The following GPR39 variants were observed in gnomAD, a reference collection of about 807,000 sequenced individuals.
The protein encoded by GPR39 is zinc sensing receptor.
Under a neutral mutation model 18.4 loss-of-function variants are expected in GPR39, and 23 were observed. The observed-to-expected ratio is 1.25, with a 90% CI of 0.90 to 1.77. The LOEUF (loss-of-function observed/expected upper bound fraction) is 1.77. GPR39 is among the 40% of genes most tolerant of loss of function. GPR39 has a pLI of 0.00. For synonymous variants in GPR39, 280 were observed against 257.9 expected (o/e 1.09, Z -0.82); for missense variants, 647 against 602.4 (o/e 1.07, Z -0.78).
chr2:132,501,049 T>C (rs1336762662), intron 1 of GPR39, among the ~76,000 whole-genome samples: 1 of 103,406 alleles, frequency 9.7e-6, no homozygotes, highest in Non-Finnish European at 2.0e-5. Flanking sequence ...TCATTTATCT[T>C]TTGTGTTTTT....
At chr2:132,479,241 G>A (rs1681187427) in intron 1 of GPR39, among the ~76,000 whole-genome samples, 1 of 152,164 alleles carries the variant, frequency 6.6e-6, no homozygotes, top group Non-Finnish European at 1.5e-5. Flanking sequence ...GGAACTTTTT[G>A]TTCCGTAGTG....
chr2:132,467,143 CTT>C (rs1054157400), intron 1 of GPR39, among the ~76,000 whole-genome samples: 3 of 152,068 alleles, frequency 2.0e-5, no homozygotes, highest in Non-Finnish European at 2.9e-5. Flanking sequence ...ATTACAATGT[CTT>C]AGTCTTATGG....
intron 1 of GPR39, among the ~76,000 whole-genome samples, chr2:132,644,097 T>C (rs1252609309): frequency 1.3e-5 from 2 of 152,222 alleles, no homozygotes; most frequent in Non-Finnish European, 2.9e-5. Flanking sequence ...CCTTTGTTCT[T>C]TTTTGCTTTT....
intron 1 of GPR39, among the ~76,000 whole-genome samples, chr2:132,620,914 G>A (rs566852989): frequency 2.4e-4 from 37 of 152,076 alleles, no homozygotes; most frequent in Middle Eastern, 3.4e-3. Context: ...CACCACGCCC[G>A]GCTAATTTTT....
At chr2:132,611,890 GGCATTA>G (rs1297848357) in intron 1 of GPR39, among the ~76,000 whole-genome samples, 2 of 152,122 alleles carry the variant, frequency 1.3e-5, no homozygotes, top group Non-Finnish European at 2.9e-5. Flanking sequence ...GTTAATGTGA[GGCATTA>G]GCCTTTATCA....
rs74674648 is a variant in GPR39, at chr2:132,616,709, G to A, written c.857-28392G>A. On this transcript the variant is annotated intron_variant, in intron 1 of 1. Coordinates refer to ENST00000329321, the MANE Select transcript of GPR39 (RefSeq NM_001508.3). Reference sequence around the variant, plus strand: ...CCAGCATGAGCTCCTTGAGGGCCAAGACTGGGCTTGCCTCAGTGCTTTTGT... The same window carrying A: ...CCAGCATGAGCTCCTTGAGGGCCAAAACTGGGCTTGCCTCAGTGCTTTTGT... 2.6e-5 allele frequency among the ~76,000 whole-genome samples: 4 copies of A among 152,324 alleles called. No homozygotes were observed. The East Asian group carries it at 7.7e-4, about 29-fold the overall frequency.
chr2:132,636,371 G>A (rs1681756245), intron 1 of GPR39, among the ~76,000 whole-genome samples: 1 of 152,148 alleles, frequency 6.6e-6, no homozygotes, highest in Admixed American at 6.5e-5. Context: ...GGCTTTGGGG[G>A]CTGGTCCTCC....
chr2:132,477,726 T>C (rs1253258960), intron 1 of GPR39, among the ~76,000 whole-genome samples: 2 of 152,222 alleles, frequency 1.3e-5, no homozygotes, highest in Non-Finnish European at 2.9e-5. Flanking sequence ...CTTTAAAACC[T>C]AAATTATTTA....
chr2:132,620,616 G>A (rs539979227), intron 1 of GPR39, among the ~76,000 whole-genome samples: 7 of 152,282 alleles, frequency 4.6e-5, no homozygotes, highest in Middle Eastern at 3.4e-3. Context: ...TCTACAAGTT[G>A]TCTTCCCTGC....
chr2:132,562,356 T>C (rs1440296691), intron 1 of GPR39, among the ~76,000 whole-genome samples: 1 of 152,200 alleles, frequency 6.6e-6, no homozygotes, highest in African/African-American at 2.4e-5. Flanking sequence ...CTTTGGCATG[T>C]TATACAAGCC....
intron 1 of GPR39, among the ~76,000 whole-genome samples, chr2:132,531,776 A>G (rs894480550): frequency 7.2e-5 from 11 of 152,256 alleles, no homozygotes; most frequent in Non-Finnish European, 1.2e-4. Flanking sequence ...ATGAAGGCAG[A>G]AATAAAGATG....
intron 1 of GPR39, among the ~76,000 whole-genome samples, chr2:132,493,488 CAT>C (rs540786857): frequency 2.7e-4 from 32 of 117,450 alleles, no homozygotes; most frequent in Non-Finnish European, 3.3e-4. Flanking sequence ...ATATATACAC[CAT>C]ATATATATAT....
chr2:132,418,839 C>A (rs182303574), intron 1 of GPR39, among the ~76,000 whole-genome samples: 5 of 152,080 alleles, frequency 3.3e-5, no homozygotes, highest in African/African-American at 1.2e-4. Context: ...ATGTATTGTG[C>A]GTGTGTGAAT....
At chr2:132,504,797 T>C (rs1373288228) in intron 1 of GPR39, among the ~76,000 whole-genome samples, 3 of 152,350 alleles carry the variant, frequency 2.0e-5, no homozygotes, top group Middle Eastern at 3.4e-3. Flanking sequence ...TATATAGTTT[T>C]TGAATTCATT....
chr2:132,424,542 A>T (rs1172252714), intron 1 of GPR39, among the ~76,000 whole-genome samples: 1 of 152,192 alleles, frequency 6.6e-6, no homozygotes, highest in African/African-American at 2.4e-5. Flanking sequence ...TTTGTGAAGG[A>T]TGAAAAAGGA....
At chr2:132,489,328 G>C (rs1459811893) in intron 1 of GPR39, among the ~76,000 whole-genome samples, 1 of 152,090 alleles carries the variant, frequency 6.6e-6, no homozygotes, top group African/African-American at 2.4e-5. Context: ...CTTGGTGCCG[G>C]CAGCACCGAG....
chr2:132,537,409 G>T (rs777009285), intron 1 of GPR39, among the ~76,000 whole-genome samples: 8 of 151,958 alleles, frequency 5.3e-5, no homozygotes, highest in Non-Finnish European at 1.0e-4. Flanking sequence ...ACTCTCTTCT[G>T]GCTTGTAGGA....
chr2:132,430,466 G>A (rs552324378), intron 1 of GPR39, among the ~76,000 whole-genome samples: 1 of 152,302 alleles, frequency 6.6e-6, no homozygotes, highest in African/African-American at 2.4e-5. Context: ...CAAGTAAGAA[G>A]GAATTTATTG....
At chr2:132,572,925 G>A (rs1439085306) in intron 1 of GPR39, among the ~76,000 whole-genome samples, 1 of 152,210 alleles carries the variant, frequency 6.6e-6, no homozygotes, top group Non-Finnish European at 1.5e-5. Flanking sequence ...CCCATCTGTG[G>A]AGGTAGAGTC....
Sources: allele counts gnomAD v4.1 joint callset (sites outside exome capture counted in the v4.1 genomes callset), GRCh38; gene constraint gnomAD v4.1.1; transcripts MANE v1.5; gene names NCBI Gene and HGNC (gene_info 2026-07-23, HGNC 2026-07-21).